Variants in GDPD5 observed in about 807,000 individuals in gnomAD.
GDPD5 encodes the protein glycerophosphodiester phosphodiesterase domain containing 5.
Under a neutral mutation model 75.1 loss-of-function variants are expected in GDPD5, and 48 were observed. The observed-to-expected ratio is 0.64, with a 90% CI of 0.51 to 0.81. GDPD5 has a LOEUF of 0.81. Among genes scored for constraint, GDPD5 ranks in the 40% least tolerant of loss-of-function variants. GDPD5 has a pLI of 0.00. For missense variants in GDPD5, 706 were observed against 822.6 expected (o/e 0.86, Z 1.73); for synonymous variants, 336 against 339.0 (o/e 0.99, Z 0.10).
At chr11:75,445,396 C>T (rs182325839) in intron 9 of GDPD5, among the ~76,000 whole-genome samples, 1 of 152,180 alleles carries the variant, frequency 6.6e-6, no homozygotes, top group African/African-American at 2.4e-5. Context: ...TCCCCATGTG[C>T]CCCTTAGAGA....
At chr11:75,461,435 A>G (rs1949410506) in intron 4 of GDPD5, among the ~76,000 whole-genome samples, 1 of 152,190 alleles carries the variant, frequency 6.6e-6, no homozygotes, top group Non-Finnish European at 1.5e-5. Flanking sequence ...GATTGTGCTC[A>G]TTAATAAGAG....
At chr11:75,442,277 G>T in intron 12 of GDPD5, 86 bp downstream of exon 12, 2 of 1,003,980 alleles carry the variant, frequency 2.0e-6, no homozygotes, top group Non-Finnish European at 1.4e-6. Context: ...GCTGAAGTCC[G>T]GAGTGCAACA....
rs1799134875 is a variant in GDPD5, at chr11:75,457,680, C to T, written c.315+13G>A. ...GAGCAGGGCCACCTGCCCTCCAAAA[C>T]AGCCCCATGTACCAGGAGGCCAGCG... is the stretch of plus-strand genomic sequence containing the variant. On this transcript the variant is annotated intron_variant, in intron 5 of 16. Coordinates refer to ENST00000336898, the MANE Select transcript of GDPD5 (RefSeq NM_030792.8). 1.2e-6 allele frequency: 2 copies of T among 1,612,842 alleles called. No individual in the cohort carries two copies. The highest frequency in any genetic ancestry group is 1.3e-5 in the African/African-American group (1 of 74,922).
chr11:75,459,339 T>G (rs1949362568), intron 4 of GDPD5, among the ~76,000 whole-genome samples: 1 of 151,336 alleles, frequency 6.6e-6, no homozygotes, highest in South Asian at 2.1e-4. Flanking sequence ...AATGAATTTT[T>G]TTTTTTTTTT....
chr11:75,437,073 C>T (rs1365411366), intron 15 of GDPD5, 25 bp from the exon 16 acceptor site: 1 of 1,564,798 alleles, frequency 6.4e-7, no homozygotes, highest in Non-Finnish European at 8.8e-7. Context: ...CCGTGGGCAT[C>T]AGGTCTCTCC....
In GDPD5 at chr11:75,441,176, G is replaced by A. The variant is rs375384270; in HGVS notation, c.1460C>T (p.Pro487Leu). 89 of 1,613,710 alleles carry A rather than the reference G, an allele frequency of 5.5e-5. No homozygotes were observed. The highest frequency in any genetic ancestry group is 7.3e-5 in the Non-Finnish European group (86 of 1,179,936). The part of the protein sequence containing the change: ...NSHALSQVPS[P>L]LWIMPPDEYC... Reference sequence around the variant, plus strand: ...CCCCCAACTCACCATGATCCAGAGGGGGGAAGGCACCTGGGACAGGGCGTG... The same window carrying A: ...CCCCCAACTCACCATGATCCAGAGGAGGGAAGGCACCTGGGACAGGGCGTG... Residue 487 changes from proline (P) to leucine (L), a missense_variant, in exon 14 of 17, where the codon CCC (proline) becomes CTC (leucine). Coordinates refer to ENST00000336898, the MANE Select transcript of GDPD5 (RefSeq NM_030792.8).
chr11:75,484,665 A>T (rs1299718931), intron 2 of GDPD5, among the ~76,000 whole-genome samples: 1 of 152,058 alleles, frequency 6.6e-6, no homozygotes, highest in Non-Finnish European at 1.5e-5. Flanking sequence ...CAGGAGGATC[A>T]CTTGAGGCCA....
chr11:75,477,560 GC>G, intron 3 of GDPD5, 58 bp downstream of exon 3: 2 of 1,116,744 alleles, frequency 1.8e-6, no homozygotes, highest in South Asian at 3.4e-5. Context: ...CCCTCCCCCA[GC>G]CCCTCAGGCT....
intron 1 of GDPD5, among the ~76,000 whole-genome samples, chr11:75,513,879 G>C (rs1191015980): frequency 1.3e-5 from 2 of 152,236 alleles, no homozygotes; most frequent in African/African-American, 4.8e-5. Flanking sequence ...TGAGGACCTA[G>C]AGGGCACGGC....
At chr11:75,511,008 G>A (rs1425033046) in intron 1 of GDPD5, among the ~76,000 whole-genome samples, 1 of 152,224 alleles carries the variant, frequency 6.6e-6, no homozygotes, top group African/African-American at 2.4e-5. Context: ...AACCCTCGGA[G>A]GAAAGAGATG....
At chr11:75,512,262 G>C (rs1004056619) in intron 1 of GDPD5, among the ~76,000 whole-genome samples, 2 of 115,774 alleles carry the variant, frequency 1.7e-5, no homozygotes, top group Admixed American at 9.2e-5. Flanking sequence ...CTAACTGGTA[G>C]AAGCATGAAA....
chr11:75,435,465 C>T lies in GDPD5; in HGVS notation c.*42G>A. The T allele has an allele frequency of 2.0e-6, 3 of 1,520,798 alleles. No homozygotes were observed. The highest frequency in any genetic ancestry group is 2.7e-6 in the Non-Finnish European group (3 of 1,131,132). 94.2% of individuals were successfully genotyped at this position (1,520,798 alleles called of 1,614,324 possible). On this transcript the variant is annotated 3_prime_UTR_variant, in exon 17 of 17. Transcript: ENST00000336898. ...CTTCCACCAGCTCTCCTAGGCTCCC[C>T]AGCTTCTGTGTCAGGTACAGGTGGG...
In GDPD5 at chr11:75,501,937, C is replaced by T. The variant is rs371897076; in HGVS notation, c.-144-11617G>A. Among the ~76,000 whole-genome samples, 10 of 152,216 alleles carry T rather than the reference C, an allele frequency of 6.6e-5. No homozygotes were observed. The East Asian group carries it at 1.5e-3, about 24-fold the overall frequency. ...ACATTCAAAACTGATGTAAATGACC[C>T]GCGCCAAACACCTGGGTGTGAGCCC... On this transcript the variant is annotated intron_variant, in intron 1 of 16. Coordinates refer to ENST00000336898, the MANE Select transcript of GDPD5 (RefSeq NM_030792.8).
chr11:75,525,032 A>G (rs80235095), intron 1 of GDPD5, among the ~76,000 whole-genome samples, 178 bp downstream of exon 1: 20,079 of 152,000 alleles, frequency 0.13, 1,496 homozygotes, highest in South Asian at 0.22. Flanking sequence ...GCAGGGCGCG[A>G]ACCCGCACAC....
Position 75,487,657 on chromosome 11 carries a change from C to T in GDPD5, c.-61+2580G>A, listed in dbSNP as rs538282351. ...AGAGACCTCTGATTGCCATTCCTCT[C>T]GGGAGGAGGCTGGCAGGGCCCAGAG... On this transcript the variant is annotated intron_variant, in intron 2 of 16. Transcript: ENST00000336898. Among the ~76,000 whole-genome samples, 70 of 152,366 alleles carry T rather than the reference C, an allele frequency of 4.6e-4. No individual in the cohort carries two copies. The South Asian group carries it at 9.9e-3, about 22-fold the overall frequency.
At chr11:75,440,149 G>T (rs538908866) in intron 14 of GDPD5, among the ~76,000 whole-genome samples, 188 bp from the exon 15 acceptor site, 2 of 152,288 alleles carry the variant, frequency 1.3e-5, no homozygotes, top group South Asian at 2.1e-4. Context: ...GGGCCTGGGG[G>T]CCGGGGCGTG....
intron 1 of GDPD5, among the ~76,000 whole-genome samples, chr11:75,493,781 A>T (rs1950158455): frequency 6.6e-6 from 1 of 152,216 alleles, no homozygotes; most frequent in South Asian, 2.1e-4. Flanking sequence ...TTGCATAAGC[A>T]AGCATCTCTA....
chr11:75,493,117 G>A (rs768084138), intron 1 of GDPD5, among the ~76,000 whole-genome samples: 24 of 152,144 alleles, frequency 1.6e-4, no homozygotes, highest in Non-Finnish European at 3.1e-4. Context: ...TCTAGCTACA[G>A]TGTAAGATCT....
chr11:75,492,944 G>T (rs1164504640), intron 1 of GDPD5, among the ~76,000 whole-genome samples: 1 of 152,064 alleles, frequency 6.6e-6, no homozygotes, highest in Non-Finnish European at 1.5e-5. Context: ...TGGCCAGGCT[G>T]GTCTTGAATT....
Sources: allele counts gnomAD v4.1 joint callset (sites outside exome capture counted in the v4.1 genomes callset), GRCh38; gene constraint gnomAD v4.1.1; transcripts MANE v1.5; gene names NCBI Gene and HGNC (gene_info 2026-07-23, HGNC 2026-07-21).